RHBDL3: variants seen among roughly 807,000 people sequenced by gnomAD.
RHBDL3 encodes the protein rhomboid-related protein 3.
A neutral mutation model predicts 48.2 loss-of-function variants in RHBDL3; 28 were observed. The ratio of observed to expected loss-of-function variants is 0.58; its 90% CI spans 0.43 to 0.80. The LOEUF is 0.80. Ranked by LOEUF, RHBDL3 falls within the 30% of genes least tolerant of loss-of-function variation. The pLI is 0.00. For synonymous variants in RHBDL3, 208 were observed against 232.3 expected (o/e 0.90, Z 0.95); for missense variants, 464 against 542.7 (o/e 0.85, Z 1.44).
intron 8 of RHBDL3, among the ~76,000 whole-genome samples, chr17:32,316,729 G>A (rs142828578): frequency 0.012 from 1,800 of 152,132 alleles, 13 homozygotes; most frequent in Middle Eastern, 0.02. Context: ...TGTTGCCCAG[G>A]CTGGTGTTGA....
chr17:32,291,213 A>C (rs1041203763), intron 4 of RHBDL3, among the ~76,000 whole-genome samples: 1 of 151,644 alleles, frequency 6.6e-6, no homozygotes, highest in Non-Finnish European at 1.5e-5. Flanking sequence ...GGTGCCTGTA[A>C]TCCCAGCTAC....
At chr17:32,313,919 G>T (rs1406776028) in intron 7 of RHBDL3, among the ~76,000 whole-genome samples, 1 of 151,872 alleles carries the variant, frequency 6.6e-6, no homozygotes, top group Non-Finnish European at 1.5e-5. Context: ...ACCATGCCCA[G>T]CTAATTTTTT....
Position 32,320,986 on chromosome 17 carries a change from G to C in RHBDL3, c.972G>C (p.Trp324Cys), listed in dbSNP as rs1231887526. 2 of 1,613,218 alleles carry C rather than the reference G, an allele frequency of 1.2e-6. No homozygotes were observed. Among genetic ancestry groups the C allele is most frequent in the Non-Finnish European group, 8.5e-7 (1 of 1,179,932 alleles). The change falls in exon 9 of 9, where the codon TGG becomes TGC. Residue 324 changes from tryptophan (W) to cysteine (C), a missense_variant. Physicochemically the swap from Trp to Cys is radical, Grantham distance 215. Coordinates refer to ENST00000269051, the MANE Select transcript of RHBDL3 (RefSeq NM_138328.3). Reference protein sequence around the residue: ...CMSMEFGRAVWLRFHPSAYPP... With the variant: ...CMSMEFGRAVCLRFHPSAYPP... ...GCATGGAGTTTGGGCGGGCCGTGTG[G>C]CTCCGCTTCCACCCGTCGGCCTATC...
intron 5 of RHBDL3, among the ~76,000 whole-genome samples, chr17:32,297,565 C>A (rs2040480902): frequency 6.6e-6 from 1 of 150,812 alleles, no homozygotes; most frequent in South Asian, 2.1e-4. Flanking sequence ...GAGACCTGAA[C>A]TGTTGTGTCA....
chr17:32,276,493 G>T (rs558406977), intron 2 of RHBDL3, among the ~76,000 whole-genome samples: 1 of 152,258 alleles, frequency 6.6e-6, no homozygotes, highest in Non-Finnish European at 1.5e-5. Context: ...TCTGGCTGTT[G>T]GGTGGGGAGA....
At chr17:32,294,960 C>CA in intron 5 of RHBDL3, among the ~76,000 whole-genome samples, 1 of 152,206 alleles carries the variant, frequency 6.6e-6, no homozygotes, top group Non-Finnish European at 1.5e-5. Context: ...TCACTGGTGC[C>CA]TCCCACTTCA....
chr17:32,294,785 A>G (rs903898974), intron 5 of RHBDL3, among the ~76,000 whole-genome samples: 2 of 138,424 alleles, frequency 1.4e-5, no homozygotes, highest in African/African-American at 6.2e-5. Context: ...CACTAGAGCA[A>G]AAAGGGAGTC....
Position 32,285,961 on chromosome 17 carries a change from C to A in RHBDL3, c.294+1144C>A, listed in dbSNP as rs1044589952. ...CAAGGGTTGGCGTGATTGCAAGGAG[C>A]TGCTGTGGGGTTTTTAGGAGTGGAG... On this transcript the variant is annotated intron_variant, in intron 3 of 8. Coordinates refer to ENST00000269051, the MANE Select transcript of RHBDL3 (RefSeq NM_138328.3). Among the ~76,000 whole-genome samples the A allele has an allele frequency of 3.9e-5, 6 of 152,300 alleles. No homozygotes were observed. The East Asian group carries it at 9.7e-4, about 25-fold the overall frequency.
intron 7 of RHBDL3, among the ~76,000 whole-genome samples, chr17:32,315,984 G>A (rs553321892): frequency 2.0e-5 from 3 of 151,984 alleles, no homozygotes; most frequent in African/African-American, 7.2e-5. Context: ...GAGGAGACAG[G>A]GCCTCTCCTC....
At chr17:32,289,906 T>C (rs932647641) in intron 4 of RHBDL3, among the ~76,000 whole-genome samples, 1 of 152,262 alleles carries the variant, frequency 6.6e-6, no homozygotes, top group African/African-American at 2.4e-5. Flanking sequence ...CTTCTTTTCT[T>C]CTAAGTCAGA....
intron 1 of RHBDL3, among the ~76,000 whole-genome samples, chr17:32,267,458 C>T (rs934906545): frequency 6.6e-6 from 1 of 151,662 alleles, no homozygotes; most frequent in Non-Finnish European, 1.5e-5. Flanking sequence ...CTCTAGCTCC[C>T]AGCAGGTGAG....
chr17:32,294,003 C>T (rs2040392413), intron 4 of RHBDL3, among the ~76,000 whole-genome samples: 1 of 151,976 alleles, frequency 6.6e-6, no homozygotes, highest in South Asian at 2.1e-4. Flanking sequence ...TGGCACATGC[C>T]TGTAATCCCA....
At position 32,294,326 on chromosome 17, in the gene RHBDL3, A is replaced by G. The variant is rs1224177228; in HGVS notation, c.552A>G (p.Leu184=). The change falls in exon 5 of 9, where the codon CTA becomes CTG. Residue 184 remains leucine, a synonymous_variant. Transcript: ENST00000269051. ...VAFFLYNGVS[L]GQFVLQVTHP... ...TTTTCCTCTACAATGGGGTGTCACT[A>G]GGTCAATTTGTACTGCAGGTAACTC... is the stretch of plus-strand genomic sequence containing the variant. 6.2e-7 allele frequency: 1 copy of G among 1,613,912 alleles called. No homozygotes were observed. The highest frequency in any genetic ancestry group is 8.5e-7 in the Non-Finnish European group (1 of 1,179,980).
At chr17:32,318,699 C>T (rs1015863562) in intron 8 of RHBDL3, among the ~76,000 whole-genome samples, 2 of 152,068 alleles carry the variant, frequency 1.3e-5, no homozygotes, top group Admixed American at 1.3e-4. Flanking sequence ...CCAAGCTAGA[C>T]AGTAAGCACC....
At position 32,322,553 on chromosome 17, in the gene RHBDL3, A is replaced by G. The variant is rs1266919608; in HGVS notation, c.*1324A>G. The G allele has an allele frequency of 1.3e-5, 2 of 152,256 alleles. No individual in the cohort carries two copies. The highest frequency in any genetic ancestry group is 6.5e-5 in the Admixed American group (1 of 15,268). The allele number at this position is 152,256 out of a possible 1,614,324, so 9.4% of individuals were successfully genotyped here. ...GAATGTTGAGGCCATGTGTCCATTT[A>G]AGTTAGGGGGACAGGAGGCTACAGG... is the stretch of plus-strand genomic sequence containing the variant. On this transcript the variant is annotated 3_prime_UTR_variant, in exon 9 of 9. Transcript: ENST00000269051.
At position 32,288,688 on chromosome 17, in the gene RHBDL3, A is replaced by T. The variant is rs534597120; in HGVS notation, c.295-104A>T. ...ATTAACAATTATAGGAGAAAGGGAA[A>T]TGCGGGGTCAGGCCTGGTGCAAGGA... On this transcript the variant is annotated intron_variant, in intron 3 of 8. Coordinates refer to ENST00000269051, the MANE Select transcript of RHBDL3 (RefSeq NM_138328.3). 5 of 744,902 alleles carry T rather than the reference A, an allele frequency of 6.7e-6. No individual in the cohort carries two copies. The African/African-American group carries it at 8.8e-5, about 13-fold the overall frequency. The allele number at this position is 744,902 out of a possible 1,614,324, so 46.1% of individuals were successfully genotyped here.
intron 7 of RHBDL3, among the ~76,000 whole-genome samples, chr17:32,309,770 CTTTTTTTT>C (rs11346917): frequency 4.8e-5 from 6 of 124,758 alleles, no homozygotes; most frequent in South Asian, 2.7e-4. Context: ...ATCAAGACTT[CTTTTTTTT>C]TTTTTTTTTT....
At chr17:32,307,505 C>T (rs1008068907) in intron 7 of RHBDL3, among the ~76,000 whole-genome samples, 1 of 152,042 alleles carries the variant, frequency 6.6e-6, no homozygotes, top group African/African-American at 2.4e-5. Context: ...GTACATTGAG[C>T]AAGAGAAGAA....
chr17:32,317,288 TC>T (rs1374041773), intron 8 of RHBDL3, among the ~76,000 whole-genome samples: 1 of 152,222 alleles, frequency 6.6e-6, no homozygotes, highest in Non-Finnish European at 1.5e-5. Context: ...ATGGAACTGA[TC>T]CTTTGAGATC....
Sources: gnomAD v4.1 joint callset for allele counts (sites outside exome capture counted in the v4.1 genomes callset) on GRCh38, gnomAD v4.1.1 for gene constraint, MANE v1.5 for transcripts, NCBI Gene and HGNC (gene_info 2026-07-23, HGNC 2026-07-21) for gene names.